The following LYPLA1 variants were observed in gnomAD, a reference collection of about 807,000 sequenced individuals.
The protein encoded by LYPLA1 is lysophospholipase 1, also known as acyl-protein thioesterase 1.
Under a neutral mutation model 34.0 loss-of-function variants are expected in LYPLA1, and 17 were observed. That is an observed-to-expected ratio of 0.50 (90% CI 0.34 to 0.75). The LOEUF (loss-of-function observed/expected upper bound fraction) is 0.75, where lower values mean the gene tolerates loss of function less well. Ranked by LOEUF, LYPLA1 falls within the 30% of genes least tolerant of loss-of-function variation. The pLI is 0.01. For missense variants in LYPLA1, 203 were observed against 288.8 expected (o/e 0.70, Z 2.15); for synonymous variants, 98 against 100.8 (o/e 0.97, Z 0.17).
chr8:54,074,665 G>T (rs1356278465), intron 2 of LYPLA1, among the ~76,000 whole-genome samples: 1 of 152,242 alleles, frequency 6.6e-6, no homozygotes, highest in African/African-American at 2.4e-5. Flanking sequence ...TACCTGGAAA[G>T]AAGCTAAAGC....
chr8:54,071,700 C>T (rs559069683), intron 2 of LYPLA1, among the ~76,000 whole-genome samples: 1 of 152,068 alleles, frequency 6.6e-6, no homozygotes, highest in Non-Finnish European at 1.5e-5. Flanking sequence ...ATCTCTACAA[C>T]AAGAATTACA....
chr8:54,054,595 G>C (rs1806076989), intron 6 of LYPLA1: 1 of 152,640 alleles, frequency 6.6e-6, no homozygotes, highest in Non-Finnish European at 1.5e-5. Context: ...AGCCATGAAA[G>C]AAAGGTCCGT....
At chr8:54,059,583 C>T (rs1351370275) in intron 5 of LYPLA1, among the ~76,000 whole-genome samples, 2 of 73,322 alleles carry the variant, frequency 2.7e-5, no homozygotes, top group Non-Finnish European at 4.1e-5. Flanking sequence ...GGATTACAGG[C>T]GTGAGCCACC....
intron 1 of LYPLA1, chr8:54,101,390 T>C: frequency 2.8e-6 from 3 of 1,054,676 alleles, no homozygotes; most frequent in Non-Finnish European, 3.4e-6. Context: ...TCATTGAGGA[T>C]AAGAGTGCGA....
chr8:54,101,409 T>A, intron 1 of LYPLA1: 1 of 1,060,888 alleles, frequency 9.4e-7, no homozygotes, highest in Non-Finnish European at 1.1e-6. Context: ...GAGGTGACAA[T>A]AAGGCGATTT....
At chr8:54,054,295 T>G (rs1482330097) in intron 6 of LYPLA1, among the ~76,000 whole-genome samples, 1 of 152,196 alleles carries the variant, frequency 6.6e-6, no homozygotes, top group Non-Finnish European at 1.5e-5. Context: ...GATCATTAAT[T>G]TCTGTCCCTA....
downstream of LYPLA1, among the ~76,000 whole-genome samples, chr8:54,043,484 C>T (rs930801916): frequency 4.6e-5 from 7 of 151,730 alleles, no homozygotes; most frequent in Non-Finnish European, 8.8e-5. Context: ...CCATACTGGC[C>T]AGGCTGGTCT....
intron 2 of LYPLA1, among the ~76,000 whole-genome samples, chr8:54,079,052 A>G (rs1453852025): frequency 1.3e-5 from 2 of 152,038 alleles, no homozygotes; most frequent in East Asian, 3.9e-4. Context: ...GGGATGGCTC[A>G]CTGCAACCTC....
chr8:54,097,267 T>A (rs543148973), intron 2 of LYPLA1, among the ~76,000 whole-genome samples: 1 of 152,046 alleles, frequency 6.6e-6, no homozygotes, highest in East Asian at 1.9e-4. Context: ...GCGCAATGAA[T>A]AGGACATATT....
intron 2 of LYPLA1, among the ~76,000 whole-genome samples, chr8:54,091,464 G>A (rs1809243485): frequency 6.6e-6 from 1 of 150,654 alleles, no homozygotes; most frequent in South Asian, 2.1e-4. Context: ...TCTAGCCTGG[G>A]CAACAAGAGC....
At chr8:54,089,134 G>C (rs1288767507) in intron 2 of LYPLA1, among the ~76,000 whole-genome samples, 2 of 152,162 alleles carry the variant, frequency 1.3e-5, no homozygotes, top group Non-Finnish European at 2.9e-5. Context: ...TAAGACAGTG[G>C]TAATAGTTGA....
chr8:54,099,834 C>G (rs1313028536), intron 2 of LYPLA1, among the ~76,000 whole-genome samples: 1 of 152,002 alleles, frequency 6.6e-6, no homozygotes, highest in Non-Finnish European at 1.5e-5. Context: ...CAGGCATGCA[C>G]CACCACACCC....
At chr8:54,043,990 C>G (rs549789947), downstream of LYPLA1, among the ~76,000 whole-genome samples, 1 of 152,162 alleles carries the variant, frequency 6.6e-6, no homozygotes, top group South Asian at 2.1e-4. Flanking sequence ...CTCCCAGGTT[C>G]AAGTGATTGT....
At chr8:54,100,683 T>A (rs1454066706) in intron 2 of LYPLA1, 1 of 525,688 alleles carries the variant, frequency 1.9e-6, no homozygotes, top group Non-Finnish European at 3.4e-6. Context: ...AATTTGAAAT[T>A]TTAATATGTT....
At chr8:54,053,563 A>G (rs1251755195) in intron 6 of LYPLA1, 8 of 455,978 alleles carry the variant, frequency 1.8e-5, no homozygotes, top group Non-Finnish European at 3.5e-5. Context: ...GGTTACTGCA[A>G]CACATGAGTA....
chr8:54,080,767 T>C (rs1808255617), intron 2 of LYPLA1, among the ~76,000 whole-genome samples: 1 of 152,164 alleles, frequency 6.6e-6, no homozygotes, highest in Non-Finnish European at 1.5e-5. Flanking sequence ...TTTTTATTTT[T>C]AGTAGAGACA....
intron 5 of LYPLA1, among the ~76,000 whole-genome samples, chr8:54,060,420 C>T (rs374187631): frequency 8.6e-5 from 13 of 151,694 alleles, no homozygotes; most frequent in African/African-American, 2.7e-4. Context: ...CCACCGTGCC[C>T]GGCCTCCTGT....
chr8:54,068,496 G>C (rs756993311), intron 2 of LYPLA1, among the ~76,000 whole-genome samples: 4 of 152,166 alleles, frequency 2.6e-5, no homozygotes, highest in Non-Finnish European at 5.9e-5. Flanking sequence ...AGAAAGACTA[G>C]TACTAGAGTA....
chr8:54,052,503 C>G, intron 7 of LYPLA1, 152 bp downstream of exon 7: 2 of 587,044 alleles, frequency 3.4e-6, no homozygotes, highest in Non-Finnish European at 6.1e-6. Context: ...GATAGTAACT[C>G]TGTACCTTCT....
Sources: allele counts gnomAD v4.1 joint callset (sites outside exome capture counted in the v4.1 genomes callset), GRCh38; gene constraint gnomAD v4.1.1; transcripts MANE v1.5; gene names NCBI Gene and HGNC (gene_info 2026-07-23, HGNC 2026-07-21).